The following CUX1 variants were observed in gnomAD, a reference collection of about 807,000 sequenced individuals.
CUX1 encodes cut like homeobox 1, also known as protein CASP.
In CUX1, 31 loss-of-function variants were observed where a neutral mutation model predicts 158.8. The ratio of observed to expected loss-of-function variants is 0.20; its 90% CI spans 0.15 to 0.26. The LOEUF (loss-of-function observed/expected upper bound fraction) is 0.26, where lower values mean the gene tolerates loss of function less well. Ranked by LOEUF, CUX1 falls within the 10% of genes least tolerant of loss-of-function variation. CUX1 has a pLI of 1.00. For missense variants in CUX1, 1,589 were observed against 2,014.6 expected, an observed-to-expected ratio of 0.79 and a Z score of 4.04; for synonymous variants, 879 against 862.1, an observed-to-expected ratio of 1.02 and a Z score of -0.34.
At chr7:102,023,664 AC>A (rs1711941885) in intron 2 of CUX1, among the ~76,000 whole-genome samples, 1 of 152,212 alleles carries the variant, frequency 6.6e-6, no homozygotes, top group South Asian at 2.1e-4. Context: ...TTAGTTTAGT[AC>A]AAAACTGAAT....
At chr7:102,262,165 G>A (rs1790442583), downstream of CUX1, among the ~76,000 whole-genome samples, 1 of 152,098 alleles carries the variant, frequency 6.6e-6, no homozygotes, top group African/African-American at 2.4e-5. Context: ...AGCACTTTGG[G>A]AGCCGAGGCG....
chr7:102,121,348 G>GT (rs3216525), intron 8 of CUX1, among the ~76,000 whole-genome samples: 36,594 of 131,538 alleles, frequency 0.28, 5,289 homozygotes, highest in Middle Eastern at 0.42. Flanking sequence ...TTGCTTTTTG[G>GT]TTTTTTTTTT....
At chr7:101,957,585 G>A (rs139704785) in intron 2 of CUX1, among the ~76,000 whole-genome samples, 1 of 152,162 alleles carries the variant, frequency 6.6e-6, no homozygotes, top group East Asian at 1.9e-4. Context: ...TTATAGCCAG[G>A]TGTGGTGGCA....
intron 1 of CUX1, among the ~76,000 whole-genome samples, chr7:101,830,473 G>A (rs1386771577): frequency 1.3e-5 from 2 of 152,132 alleles, no homozygotes; most frequent in South Asian, 2.1e-4. Context: ...TGTTGTTGTT[G>A]TTTTGAGACA....
intron 4 of CUX1, among the ~76,000 whole-genome samples, chr7:102,096,150 G>T (rs1029804034): frequency 3.9e-5 from 6 of 152,264 alleles, no homozygotes; most frequent in Non-Finnish European, 7.3e-5. Flanking sequence ...AGCGCGCGCT[G>T]CTCTGCACTT....
chr7:101,901,003 T>G (rs564173289), intron 1 of CUX1, among the ~76,000 whole-genome samples: 1 of 152,186 alleles, frequency 6.6e-6, no homozygotes, highest in Non-Finnish European at 1.5e-5. Context: ...TTGTTCTGTT[T>G]ATATATCACA....
rs572760415 is a variant in CUX1 at position 102,085,105 on chromosome 7, G to A, written c.269-12259G>A. Among the ~76,000 whole-genome samples, 21 of 151,460 alleles carry A rather than the reference G, an allele frequency of 1.4e-4. No individual in the cohort carries two copies. The South Asian group carries it at 1.9e-3, about 14-fold the overall frequency. ...TATTGAATTTTCTCATATTGTTTTC[G>A]GCATCTTTCGAGATGATCATATGAT... On this transcript the variant is annotated intron_variant, in intron 4 of 23. Transcript: ENST00000292535.
intron 1 of CUX1, among the ~76,000 whole-genome samples, chr7:101,825,796 T>C (rs1208626484): frequency 3.0e-4 from 25 of 82,824 alleles, no homozygotes; most frequent in African/African-American, 8.5e-4. Flanking sequence ...TGTGTGTGTG[T>C]GTGCGCGCGC....
intron 19 of CUX1, among the ~76,000 whole-genome samples, chr7:102,280,641 CTG>C: frequency 6.6e-6 from 1 of 152,232 alleles, no homozygotes; most frequent in South Asian, 2.1e-4. Flanking sequence ...ACTGAGTAGA[CTG>C]TGCACCCAGG....
chr7:102,043,911 T>TC (rs1822431164), intron 3 of CUX1, among the ~76,000 whole-genome samples: 1 of 152,128 alleles, frequency 6.6e-6, no homozygotes. Flanking sequence ...TGATACCTCA[T>TC]CGTGGTTTTG....
Position 102,081,989 on chromosome 7 carries a change from G to T in CUX1, c.268+11572G>T, listed in dbSNP as rs191771234. On this transcript the variant is annotated intron_variant, in intron 4 of 23. Transcript: ENST00000292535. ...CAGCCATAATGCACAACTCAGCCTG[G>T]GTTCCCTTCTTTCTTTCACACCCAA... Among the ~76,000 whole-genome samples the T allele has an allele frequency of 5.0e-4, 73 of 146,402 alleles. 6 individuals carry two copies. Among genetic ancestry groups the T allele is most frequent in the Admixed American group, 1.0e-3 (15 of 14,420 alleles).
At chr7:102,223,615 G>A (rs1798050417) in intron 20 of CUX1, among the ~76,000 whole-genome samples, 1 of 152,062 alleles carries the variant, frequency 6.6e-6, no homozygotes, top group Non-Finnish European at 1.5e-5. Context: ...TGATTAAAAC[G>A]ATACTTTCTG....
chr7:102,127,331 C>T (rs1441798077), intron 8 of CUX1, among the ~76,000 whole-genome samples: 1 of 152,118 alleles, frequency 6.6e-6, no homozygotes, highest in Non-Finnish European at 1.5e-5. Context: ...CTCAGCCTCC[C>T]GAGTAGCTAG....
chr7:102,190,119 A>G (rs1794119937), intron 12 of CUX1, among the ~76,000 whole-genome samples: 1 of 152,238 alleles, frequency 6.6e-6, no homozygotes. Context: ...GGTATTCCAG[A>G]ATGTATGGAA....
rs1480601902 is a variant in CUX1 at position 102,252,689 on chromosome 7, T to TG, written c.*3648dup. ...GTGTGTGAGTTCTGTCCTAGACCTGTGCCCAACTCACTTCCACCCCAGAGG... is the reference window on the plus strand; with the variant it reads ...GTGTGTGAGTTCTGTCCTAGACCTGTGGCCCAACTCACTTCCACCCCAGAGG... On this transcript the variant is annotated 3_prime_UTR_variant, in exon 24 of 24. Coordinates refer to ENST00000292535, the MANE Select transcript of CUX1 (RefSeq NM_181552.4). The TG allele has an allele frequency of 2.0e-6, 2 of 985,306 alleles. No homozygotes were observed. The highest frequency in any genetic ancestry group is 2.3e-4 in the East Asian group (2 of 8,824). The allele number at this position is 985,306 out of a possible 1,614,324, so 61.0% of individuals were successfully genotyped here.
intron 20 of CUX1, among the ~76,000 whole-genome samples, chr7:102,206,584 C>T (rs1795966803): frequency 6.6e-6 from 1 of 152,130 alleles, no homozygotes; most frequent in Non-Finnish European, 1.5e-5. Context: ...CAGAAAGTGA[C>T]TAATGTATTC....
At chr7:102,017,195 T>TCAGGAGACTGAGG (rs11268765) in intron 2 of CUX1, among the ~76,000 whole-genome samples, 1 of 150,722 alleles carries the variant, frequency 6.6e-6, no homozygotes, top group Non-Finnish European at 1.5e-5. Context: ...TCCCAGCTAC[T>TCAGGAGACTGAGG]CAGGAGAATT....
At chr7:102,187,365 A>C (rs1207062002) in intron 11 of CUX1, among the ~76,000 whole-genome samples, 3 of 152,002 alleles carry the variant, frequency 2.0e-5, no homozygotes, top group African/African-American at 7.2e-5. Flanking sequence ...AAAGAGTCCC[A>C]CTGTTGAGGG....
At chr7:102,261,529 GC>G (rs541622338), downstream of CUX1, among the ~76,000 whole-genome samples, 339 of 149,768 alleles carry the variant, frequency 2.3e-3, 1 homozygote, top group Middle Eastern at 0.01. Context: ...AATACGAAGA[GC>G]CCTTTTTTTT....
Sources: allele counts gnomAD v4.1 joint callset (sites outside exome capture counted in the v4.1 genomes callset), GRCh38; gene constraint gnomAD v4.1.1; transcripts MANE v1.5; gene names NCBI Gene and HGNC (gene_info 2026-07-23, HGNC 2026-07-21).